Variants in THADA observed in about 807,000 individuals in gnomAD.
The protein encoded by THADA is tRNA (32-2'-O)-methyltransferase regulator THADA.
In THADA, 213 loss-of-function variants were observed where a neutral mutation model predicts 219.8. The ratio of observed to expected loss-of-function variants is 0.97; its 90% CI spans 0.87 to 1.09. The LOEUF (loss-of-function observed/expected upper bound fraction) is 1.09. THADA is among the 50% of genes least tolerant of loss of function. The probability of loss-of-function intolerance (pLI) is 0.00; values close to 1 mark genes in which losing one functional copy is unlikely to be tolerated. For missense variants in THADA, 2,956 were observed against 2,311.3 expected (o/e 1.28, Z -5.72); for synonymous variants, 1,018 against 828.9 (o/e 1.23, Z -3.92).
At chr2:43,291,900 T>C in intron 33 of THADA, 132 bp from the exon 34 acceptor site, 1 of 870,124 alleles carries the variant, frequency 1.1e-6, no homozygotes, top group South Asian at 2.0e-5. Context: ...GTTACAAAAA[T>C]GCCTCCGGAA....
At chr2:43,433,388 G>A (rs991047651) in intron 26 of THADA, among the ~76,000 whole-genome samples, 3 of 151,984 alleles carry the variant, frequency 2.0e-5, no homozygotes, top group Non-Finnish European at 4.4e-5. Context: ...AATTAGCCGG[G>A]TGTGGCGGTG....
chr2:43,571,842 G>T lies in THADA; in HGVS notation c.1929C>A (p.Gly643=), dbSNP rs762460146. ...TGCTCCGATTACTTTCACAAAGCAA[G>T]CCTAATGTATCTATCCTTACCTAAA... ...QHCQVRIDTL[G]LLCESNRSTE... Residue 643 remains glycine, a synonymous_variant, in exon 13 of 38, where the codon GGC becomes GGA. Coordinates refer to ENST00000405975, the MANE Select transcript of THADA (RefSeq NM_022065.5). 6.2e-7 allele frequency: 1 copy of T among 1,613,672 alleles called. No individual in the cohort carries two copies. Among genetic ancestry groups the T allele is most frequent in the Admixed American group, 1.7e-5 (1 of 59,992 alleles).
intron 29 of THADA, among the ~76,000 whole-genome samples, chr2:43,345,260 C>A (rs191372116): frequency 1.4e-3 from 220 of 152,186 alleles, no homozygotes; most frequent in Non-Finnish European, 2.1e-3. Context: ...GAGTTAGATA[C>A]GGAAGGGGGT....
chr2:43,339,471 G>A (rs1666840707), intron 30 of THADA, among the ~76,000 whole-genome samples: 1 of 152,060 alleles, frequency 6.6e-6, no homozygotes, highest in Non-Finnish European at 1.5e-5. Flanking sequence ...GTAGAGATTG[G>A]GTTTCACCAT....
intron 36 of THADA, among the ~76,000 whole-genome samples, chr2:43,243,052 C>G (rs1668777879): frequency 6.6e-6 from 1 of 152,188 alleles, no homozygotes; most frequent in Admixed American, 6.5e-5. Flanking sequence ...GTATTTCTTT[C>G]TTGCACCCTC....
chr2:43,538,106 T>C (rs1395629879), intron 21 of THADA, among the ~76,000 whole-genome samples: 1 of 152,144 alleles, frequency 6.6e-6, no homozygotes, highest in African/African-American at 2.4e-5. Context: ...GGGAAATACA[T>C]ATAAACTTAA....
chr2:43,575,526 T>C (rs1699762209), intron 10 of THADA, among the ~76,000 whole-genome samples: 2 of 152,174 alleles, frequency 1.3e-5, no homozygotes, highest in Admixed American at 6.5e-5. Context: ...ACTGTGATGA[T>C]TACACAAGTT....
At chr2:43,575,390 AT>A (rs1699749574) in intron 10 of THADA, among the ~76,000 whole-genome samples, 1 of 152,178 alleles carries the variant, frequency 6.6e-6, no homozygotes, top group Non-Finnish European at 1.5e-5. Flanking sequence ...TGAGACTGCA[AT>A]GAGCTGTGCT....
chr2:43,550,920 G>A (rs778605524), intron 19 of THADA, among the ~76,000 whole-genome samples: 21 of 152,260 alleles, frequency 1.4e-4, no homozygotes, highest in Non-Finnish European at 1.9e-4. Flanking sequence ...GACAAGAGCA[G>A]CCTGCACAAC....
intron 28 of THADA, among the ~76,000 whole-genome samples, chr2:43,400,222 A>AG (rs1207699737): frequency 6.6e-6 from 1 of 152,076 alleles, no homozygotes; most frequent in East Asian, 1.9e-4. Context: ...AAGGATGGAA[A>AG]GGGGGAAAAG....
intron 20 of THADA, among the ~76,000 whole-genome samples, chr2:43,542,991 A>G (rs1199964132): frequency 6.7e-6 from 1 of 149,356 alleles, no homozygotes; most frequent in Non-Finnish European, 1.5e-5. Context: ...AGCATTAGGT[A>G]TATCTCCTAA....
At chr2:43,381,931 G>C (rs779627511) in intron 29 of THADA, among the ~76,000 whole-genome samples, 40 of 152,056 alleles carry the variant, frequency 2.6e-4, no homozygotes, top group Non-Finnish European at 4.1e-4. Context: ...CCCTGGATAC[G>C]ACATGATGAG....
At chr2:43,417,088 A>G (rs1480177025) in intron 28 of THADA, among the ~76,000 whole-genome samples, 3 of 137,478 alleles carry the variant, frequency 2.2e-5, no homozygotes, top group Non-Finnish European at 4.6e-5. Flanking sequence ...TCTTTATAAG[A>G]GAGTAAAAAG....
At chr2:43,395,731 G>A (rs1181569590) in intron 29 of THADA, among the ~76,000 whole-genome samples, 2 of 152,094 alleles carry the variant, frequency 1.3e-5, no homozygotes, top group South Asian at 2.1e-4. Flanking sequence ...GGAAGTCCTC[G>A]TGTTTTAATA....
intron 36 of THADA, among the ~76,000 whole-genome samples, chr2:43,249,950 C>A (rs1209234894): frequency 6.6e-6 from 1 of 152,180 alleles, no homozygotes; most frequent in Non-Finnish European, 1.5e-5. Flanking sequence ...GCCTGCTATT[C>A]CTTGTCAGAG....
At chr2:43,537,996 T>C (rs1210936331) in intron 21 of THADA, among the ~76,000 whole-genome samples, 2 of 151,622 alleles carry the variant, frequency 1.3e-5, no homozygotes, top group East Asian at 3.9e-4. Context: ...CAATTTCTAA[T>C]AGTTGGCAAT....
At chr2:43,379,935 G>A (rs1005335547) in intron 29 of THADA, among the ~76,000 whole-genome samples, 2 of 152,144 alleles carry the variant, frequency 1.3e-5, no homozygotes, top group African/African-American at 4.8e-5. Flanking sequence ...GAATGAAAAA[G>A]TTACACATAT....
At chr2:43,242,129 T>G (rs2104068505) in intron 36 of THADA, among the ~76,000 whole-genome samples, 1 of 152,372 alleles carries the variant, frequency 6.6e-6, no homozygotes, top group Non-Finnish European at 1.5e-5. Flanking sequence ...ATCTGCACAG[T>G]GCTCAAGGTG....
At chr2:43,505,535 C>T in intron 24 of THADA, 87 bp downstream of exon 24, 16 of 1,005,656 alleles carry the variant, frequency 1.6e-5, no homozygotes, top group Non-Finnish European at 2.2e-5. Flanking sequence ...GCCTGGGTAA[C>T]AAGACGGTAA....
Sources: allele counts gnomAD v4.1 joint callset (sites outside exome capture counted in the v4.1 genomes callset), GRCh38; gene constraint gnomAD v4.1.1; transcripts MANE v1.5; gene names NCBI Gene and HGNC (gene_info 2026-07-23, HGNC 2026-07-21).